Variants in TGIF2 observed in about 807,000 individuals in gnomAD.
TGIF2 encodes the protein homeobox protein TGIF2.
In TGIF2, 5 loss-of-function variants were observed where a neutral mutation model predicts 15.1. The ratio of observed to expected loss-of-function variants is 0.33; its 90% CI spans 0.17 to 0.70. The LOEUF (loss-of-function observed/expected upper bound fraction) is 0.70, where lower values mean the gene tolerates loss of function less well. Ranked by LOEUF, TGIF2 falls within the 30% of genes least tolerant of loss-of-function variation. TGIF2 has a pLI of 0.67. For missense variants in TGIF2, 264 were observed against 302.5 expected, an observed-to-expected ratio of 0.87 and a Z score of 0.94; for synonymous variants, 131 against 128.9, an observed-to-expected ratio of 1.02 and a Z score of -0.11.
intron 2 of TGIF2, among the ~76,000 whole-genome samples, chr20:36,579,647 G>A (rs1156633741): frequency 6.6e-6 from 1 of 152,184 alleles, no homozygotes; most frequent in Non-Finnish European, 1.5e-5. Context: ...GTAATTTGCA[G>A]TGTGGTTAAG....
chr20:36,590,197 T>C (rs1481876310), intron 2 of TGIF2, among the ~76,000 whole-genome samples: 1 of 152,198 alleles, frequency 6.6e-6, no homozygotes, highest in African/African-American at 2.4e-5. Context: ...GCTCAAGTGA[T>C]CTGCCCACCT....
At chr20:36,589,789 A>C (rs1204701456) in intron 2 of TGIF2, among the ~76,000 whole-genome samples, 1 of 152,138 alleles carries the variant, frequency 6.6e-6, no homozygotes, top group African/African-American at 2.4e-5. Flanking sequence ...CCTGGGCTCA[A>C]TTGATCCTAT....
At position 36,590,718 on chromosome 20, in the gene TGIF2, C is replaced by T. The variant is rs573436284; in HGVS notation, c.193-192C>T. On this transcript the variant is annotated intron_variant, in intron 2 of 2. Transcript: ENST00000373872. Reference sequence around the variant, plus strand: ...TAGTTGGGACCACAGGGGTGCACCACTACACCTGGCTAACTTCTTTTGTAG... The same window carrying T: ...TAGTTGGGACCACAGGGGTGCACCATTACACCTGGCTAACTTCTTTTGTAG... 5.9e-5 allele frequency among the ~76,000 whole-genome samples: 9 copies of T among 152,266 alleles called. No homozygotes were observed. In the South Asian group the frequency reaches 1.9e-3, roughly 32 times the overall value.
At chr20:36,573,571 G>C (rs1016354493), upstream of TGIF2, 4 of 151,594 alleles carry the variant, frequency 2.6e-5, no homozygotes, top group Admixed American at 6.6e-5. Flanking sequence ...CAGAGGGCGC[G>C]GGGGGAGGAG....
intron 2 of TGIF2, among the ~76,000 whole-genome samples, chr20:36,586,045 G>A (rs540974562): frequency 2.0e-5 from 3 of 152,186 alleles, no homozygotes; most frequent in Non-Finnish European, 2.9e-5. Context: ...GGCTGTAGTG[G>A]TCAGCTGTGG....
chr20:36,574,544 C>T (rs1332340916), intron 1 of TGIF2: 1 of 152,146 alleles, frequency 6.6e-6, no homozygotes, highest in African/African-American at 2.4e-5. Context: ...AGCGCGCACG[C>T]TCCGCCGTCC....
intron 2 of TGIF2, among the ~76,000 whole-genome samples, chr20:36,585,236 G>A (rs945275196): frequency 1.3e-5 from 2 of 151,572 alleles, no homozygotes; most frequent in Non-Finnish European, 2.9e-5. Context: ...AGTGTCTCAC[G>A]CCTGTAATCC....
At chr20:36,573,548 G>C (rs901739898), upstream of TGIF2, 5 of 151,564 alleles carry the variant, frequency 3.3e-5, no homozygotes, top group Non-Finnish European at 7.4e-5. Context: ...CTCCGGGCGG[G>C]TGGGGGAGGG....
chr20:36,577,649 G>A (rs1275541919), intron 1 of TGIF2, among the ~76,000 whole-genome samples: 2 of 151,818 alleles, frequency 1.3e-5, no homozygotes, highest in African/African-American at 2.4e-5. Flanking sequence ...CCGAGTAGCT[G>A]GGACTACAGG....
chr20:36,575,867 C>T (rs893020878), intron 1 of TGIF2, among the ~76,000 whole-genome samples: 1 of 151,754 alleles, frequency 6.6e-6, no homozygotes, highest in Non-Finnish European at 1.5e-5. Flanking sequence ...CCGAGGCGGG[C>T]AGATCACCTG....
chr20:36,583,413 A>C (rs1401537969), intron 2 of TGIF2, among the ~76,000 whole-genome samples: 1 of 151,114 alleles, frequency 6.6e-6, no homozygotes, highest in Admixed American at 6.6e-5. Context: ...AGCTATGATC[A>C]TGCCACTGCC....
At chr20:36,586,324 T>A (rs1286003806) in intron 2 of TGIF2, among the ~76,000 whole-genome samples, 1 of 152,166 alleles carries the variant, frequency 6.6e-6, no homozygotes, top group Non-Finnish European at 1.5e-5. Flanking sequence ...GTAGCTGGTC[T>A]GAAAACACAT....
At chr20:36,581,337 G>A (rs1309988691) in intron 2 of TGIF2, among the ~76,000 whole-genome samples, 1 of 152,140 alleles carries the variant, frequency 6.6e-6, no homozygotes, top group Non-Finnish European at 1.5e-5. Context: ...GGAGTGTCTG[G>A]ACAGCCTCTT....
Position 36,576,097 on chromosome 20 carries a change from AAAAAAAAG to A in TGIF2, c.-35+2356_-35+2363del, listed in dbSNP as rs577150079. On this transcript the variant is annotated intron_variant, in intron 1 of 2. Transcript: ENST00000373872. The stretch of plus-strand genomic sequence containing the variant: ...ACAGAGCGAGACTCCATCTCAAAAA[AAAAAAAAG>A]AAAGAAAGAAAGAAAGAAAATCTTT... 5.2e-4 allele frequency among the ~76,000 whole-genome samples: 79 copies of A among 152,066 alleles called. 1 individual carries two copies. The South Asian group carries it at 0.014, about 27-fold the overall frequency.
rs1015338661 is a variant in TGIF2 at position 36,593,722 on chromosome 20, A to G, written c.*2291A>G. 1 of 152,582 alleles carries G rather than the reference A, an allele frequency of 6.6e-6. No individual in the cohort carries two copies. Among genetic ancestry groups the G allele is most frequent in the Non-Finnish European group, 1.5e-5 (1 of 68,066 alleles). The allele number at this position is 152,582 out of a possible 1,614,324, so 9.5% of individuals were successfully genotyped here. ...GTGGGATTTTCCCTCCCCACAGTGC[A>G]CTGAGCAATGGAGGGTGGTGAGGGA... is the stretch of plus-strand genomic sequence containing the variant. On this transcript the variant is annotated 3_prime_UTR_variant, in exon 3 of 3. Transcript: ENST00000373872.
In TGIF2 at chr20:36,586,695, C is replaced by CG. The variant is rs927508794; in HGVS notation, c.193-4215_193-4214insG. 5.1e-5 allele frequency among the ~76,000 whole-genome samples: 7 copies of CG among 138,164 alleles called. No homozygotes were observed. The East Asian group carries it at 6.6e-4, about 13-fold the overall frequency. 90.6% of individuals were successfully genotyped at this position (138,164 alleles called of 152,430 possible). On this transcript the variant is annotated intron_variant, in intron 2 of 2. Coordinates refer to ENST00000373872, the MANE Select transcript of TGIF2 (RefSeq NM_021809.7). ...GGGCAAAGAAGTGAGACTCCATTTC[C>CG]CCCCCCCCAAAAAAAAAAATCTCCC...
chr20:36,576,605 T>C (rs964523731), intron 1 of TGIF2, among the ~76,000 whole-genome samples: 1 of 152,088 alleles, frequency 6.6e-6, no homozygotes, highest in African/African-American at 2.4e-5. Context: ...TTTACAGCTT[T>C]ATTGAGATAT....
intron 2 of TGIF2, among the ~76,000 whole-genome samples, chr20:36,580,115 T>A (rs953677523): frequency 6.6e-6 from 1 of 152,054 alleles, no homozygotes; most frequent in African/African-American, 2.4e-5. Flanking sequence ...GTCAAACCTC[T>A]CCCACAAGCT....
At chr20:36,581,093 C>T (rs896496247) in intron 2 of TGIF2, among the ~76,000 whole-genome samples, 18 of 151,990 alleles carry the variant, frequency 1.2e-4, no homozygotes, top group Non-Finnish European at 4.4e-5. Context: ...TGGCATTGCA[C>T]TCCAGCCTGG....
Sources: allele counts gnomAD v4.1 joint callset (sites outside exome capture counted in the v4.1 genomes callset), GRCh38; gene constraint gnomAD v4.1.1; transcripts MANE v1.5; gene names NCBI Gene and HGNC (gene_info 2026-07-23, HGNC 2026-07-21).